The following OSBPL10 variants were observed in gnomAD, a reference collection of about 807,000 sequenced individuals.
OSBPL10 encodes the protein oxysterol-binding protein-related protein 10.
OSBPL10 carries 49 observed loss-of-function variants against 81.7 expected under a neutral mutation model. That is an observed-to-expected ratio of 0.60 (90% CI 0.48 to 0.76). The LOEUF is 0.76. OSBPL10 is among the 30% of genes least tolerant of loss of function. The pLI is 0.00. For synonymous variants in OSBPL10, 419 were observed against 383.6 expected, an observed-to-expected ratio of 1.09 and a Z score of -1.08; for missense variants, 923 against 987.8, an observed-to-expected ratio of 0.93 and a Z score of 0.88.
At chr3:32,038,407 G>A (rs141887923) in intron 2 of OSBPL10, among the ~76,000 whole-genome samples, 117 of 152,150 alleles carry the variant, frequency 7.7e-4, no homozygotes, top group Middle Eastern at 3.4e-3. Context: ...CACAATCTCC[G>A]GCTCCCGGGT....
chr3:31,727,224 T>C (rs1696837369), intron 6 of OSBPL10, among the ~76,000 whole-genome samples: 2 of 152,096 alleles, frequency 1.3e-5, no homozygotes, highest in African/African-American at 4.8e-5. Flanking sequence ...TAGTGTAGTA[T>C]GAAGGAAAGA....
intron 3 of OSBPL10, among the ~76,000 whole-genome samples, chr3:31,864,107 G>A (rs1402409499): frequency 2.6e-5 from 4 of 152,198 alleles, no homozygotes; most frequent in South Asian, 4.1e-4. Flanking sequence ...GAGGACACAC[G>A]GTGGGCCATG....
chr3:31,667,145 C>T (rs371454378), intron 10 of OSBPL10, among the ~76,000 whole-genome samples: 4 of 152,234 alleles, frequency 2.6e-5, no homozygotes, highest in East Asian at 3.8e-4. Flanking sequence ...ATAGCTGGAT[C>T]AGAAACAACA....
chr3:31,912,601 C>T (rs1484422462), intron 1 of OSBPL10, among the ~76,000 whole-genome samples: 3 of 152,130 alleles, frequency 2.0e-5, no homozygotes, highest in South Asian at 2.1e-4. Context: ...TCATCATCAA[C>T]ATTTCCTCTT....
intron 1 of OSBPL10, among the ~76,000 whole-genome samples, chr3:32,049,577 T>C (rs1210426262): frequency 6.6e-6 from 1 of 152,128 alleles, no homozygotes; most frequent in Non-Finnish European, 1.5e-5. Context: ...GAATCCTTCC[T>C]AAGATTTAGG....
At chr3:32,011,387 G>A (rs1699256813) in intron 2 of OSBPL10, among the ~76,000 whole-genome samples, 1 of 152,210 alleles carries the variant, frequency 6.6e-6, no homozygotes, top group Admixed American at 6.5e-5. Context: ...GGTCCTGACT[G>A]TTAGAAGGAA....
intron 1 of OSBPL10, among the ~76,000 whole-genome samples, chr3:31,913,099 T>C (rs138406746): frequency 2.0e-5 from 3 of 152,012 alleles, no homozygotes; most frequent in Middle Eastern, 3.4e-3. Flanking sequence ...CCATTTGGGG[T>C]TGATATATAA....
At position 31,990,658 on chromosome 3, in the gene OSBPL10, C is replaced by T. The variant is rs772716297; in HGVS notation, n.298+55833G>A. On this transcript the variant is annotated intron_variant and non_coding_transcript_variant, in intron 2 of 3. Coordinates refer to the OSBPL10 transcript ENST00000479173. ...TTTTAATCAACAAGCAACCCTTGCA[C>T]GTCATCATAGACTTCATACTGGAGA... 51 of 1,613,098 alleles carry T rather than the reference C, an allele frequency of 3.2e-5. No homozygotes were observed. Among genetic ancestry groups the T allele is most frequent in the African/African-American group, 4.0e-5 (3 of 74,614 alleles).
Position 31,895,135 on chromosome 3 carries a change from T to C in OSBPL10, c.282-15305A>G, listed in dbSNP as rs373467786. On this transcript the variant is annotated intron_variant, in intron 1 of 11. Coordinates refer to ENST00000396556, the MANE Select transcript of OSBPL10 (RefSeq NM_017784.5). ...CTGCATATTAGAATTCTCTGCGGCC[T>C]TTTTTTTTTTTTTTTTTAGACGGAG... Among the ~76,000 whole-genome samples the C allele has an allele frequency of 3.5e-3, 183 of 52,460 alleles. 2 individuals are homozygous for C. The highest frequency in any genetic ancestry group is 0.013 in the African/African-American group (177 of 13,820). The allele number at this position is 52,460 out of a possible 152,430, so 34.4% of individuals were successfully genotyped here.
intron 4 of OSBPL10, among the ~76,000 whole-genome samples, chr3:31,794,182 T>C (rs557608538): frequency 1.3e-5 from 2 of 152,244 alleles, no homozygotes; most frequent in Admixed American, 1.3e-4. Context: ...CTTGCTCTTG[T>C]TGTCCAGGTT....
chr3:31,962,860 C>T (rs1408260554), intron 1 of OSBPL10, among the ~76,000 whole-genome samples: 2 of 152,194 alleles, frequency 1.3e-5, no homozygotes, highest in African/African-American at 4.8e-5. Context: ...ATATTGAGTA[C>T]CTACTATGCG....
chr3:31,966,153 ATGTGTGTGTGTGTGTGTGTGTGTG>A (rs59737552), intron 1 of OSBPL10, among the ~76,000 whole-genome samples: 1 of 134,894 alleles, frequency 7.4e-6, no homozygotes, highest in Admixed American at 8.1e-5. Context: ...CAACAAAATT[ATGTGTGTGTGTGTGTGTGTGTGTG>A]TGTGTGTGTG....
intron 2 of OSBPL10, chr3:31,990,199 G>A (rs1438672958): frequency 3.1e-6 from 5 of 1,614,082 alleles, no homozygotes; most frequent in East Asian, 4.5e-5. Flanking sequence ...CAAGTGTAAT[G>A]AGTGTGGCAA....
chr3:32,055,852 G>T (rs1408421269), intron 1 of OSBPL10, among the ~76,000 whole-genome samples: 1 of 152,170 alleles, frequency 6.6e-6, no homozygotes, highest in Non-Finnish European at 1.5e-5. Flanking sequence ...GGAGCCCCAA[G>T]TTATCTTGGG....
intron 6 of OSBPL10, among the ~76,000 whole-genome samples, chr3:31,730,435 G>A (rs1696938841): frequency 6.6e-6 from 1 of 151,776 alleles, no homozygotes; most frequent in African/African-American, 2.4e-5. Flanking sequence ...CCTAAAGTAA[G>A]GCATACATGA....
chr3:31,850,262 A>T (rs1378158781), intron 3 of OSBPL10, among the ~76,000 whole-genome samples: 1 of 152,176 alleles, frequency 6.6e-6, no homozygotes, highest in South Asian at 2.1e-4. Context: ...TAAGCCCAGG[A>T]GTTTGAGGCT....
chr3:31,998,372 T>C (rs12629399), intron 2 of OSBPL10, among the ~76,000 whole-genome samples: 12,218 of 152,160 alleles, frequency 0.08, 705 homozygotes, highest in East Asian at 0.32. Flanking sequence ...AAAAATTCCA[T>C]GTGAGTGCTG....
intron 4 of OSBPL10, among the ~76,000 whole-genome samples, chr3:31,772,744 C>G (rs1275767509): frequency 6.6e-6 from 1 of 152,170 alleles, no homozygotes; most frequent in African/African-American, 2.4e-5. Flanking sequence ...TTCTGTGTGT[C>G]TGGAAATGAC....
At chr3:31,771,817 G>A (rs996436140) in intron 4 of OSBPL10, among the ~76,000 whole-genome samples, 6 of 152,048 alleles carry the variant, frequency 3.9e-5, no homozygotes, top group African/African-American at 7.2e-5. Flanking sequence ...ATATTTTCCC[G>A]GCCTTCTCCC....
Sources: gnomAD v4.1 joint callset for allele counts (sites outside exome capture counted in the v4.1 genomes callset) on GRCh38, gnomAD v4.1.1 for gene constraint, MANE v1.5 for transcripts, NCBI Gene and HGNC (gene_info 2026-07-23, HGNC 2026-07-21) for gene names.